The following UNC5D variants were observed in gnomAD, a reference collection of about 807,000 sequenced individuals.
The protein encoded by UNC5D is netrin receptor UNC5D.
In UNC5D, 39 loss-of-function variants were observed where a neutral mutation model predicts 105.4. The ratio of observed to expected loss-of-function variants is 0.37; its 90% CI spans 0.29 to 0.48. The LOEUF (loss-of-function observed/expected upper bound fraction) is 0.48. Ranked by LOEUF, UNC5D falls within the 20% of genes least tolerant of loss-of-function variation. The pLI is 0.98. For synonymous variants in UNC5D, 452 were observed against 450.4 expected (o/e 1.00, Z -0.04); for missense variants, 991 against 1,202.4 (o/e 0.82, Z 2.60).
At chr8:35,378,891 T>C (rs1312373414) in intron 1 of UNC5D, among the ~76,000 whole-genome samples, 1 of 152,126 alleles carries the variant, frequency 6.6e-6, no homozygotes, top group Middle Eastern at 3.2e-3. Flanking sequence ...CAAATTGCCT[T>C]CTCACTGTGT....
intron 1 of UNC5D, among the ~76,000 whole-genome samples, chr8:35,308,401 T>A (rs901082840): frequency 6.6e-6 from 1 of 152,162 alleles, no homozygotes; most frequent in Non-Finnish European, 1.5e-5. Flanking sequence ...ACCACAGTCC[T>A]GGGTTAACCA....
chr8:35,557,545 A>G (rs1167095553), intron 2 of UNC5D, among the ~76,000 whole-genome samples: 1 of 152,166 alleles, frequency 6.6e-6, no homozygotes, highest in East Asian at 1.9e-4. Flanking sequence ...TACTACTTTC[A>G]GTACTATGTT....
intron 1 of UNC5D, among the ~76,000 whole-genome samples, chr8:35,327,459 T>TA (rs752254279): frequency 2.6e-5 from 4 of 152,200 alleles, no homozygotes; most frequent in Non-Finnish European, 4.4e-5. Context: ...ATTCTCAACT[T>TA]ACGGAAAATA....
At chr8:35,755,457 A>G (rs995884484) in intron 13 of UNC5D, among the ~76,000 whole-genome samples, 2 of 148,336 alleles carry the variant, frequency 1.3e-5, no homozygotes, top group African/African-American at 2.6e-5. Context: ...GGAAAGCACC[A>G]TAGCGACATA....
chr8:35,379,682 C>T (rs138620705), intron 1 of UNC5D, among the ~76,000 whole-genome samples: 1 of 152,074 alleles, frequency 6.6e-6, no homozygotes, highest in East Asian at 1.9e-4. Context: ...AGAATATCGA[C>T]CTGAGAACCC....
chr8:35,673,232 G>C (rs143648292), intron 4 of UNC5D, among the ~76,000 whole-genome samples: 1 of 152,254 alleles, frequency 6.6e-6, no homozygotes, highest in East Asian at 1.9e-4. Context: ...TAAATAACTT[G>C]AAAGAAATAT....
intron 4 of UNC5D, among the ~76,000 whole-genome samples, chr8:35,654,555 TC>T (rs1395881450): frequency 2.0e-5 from 3 of 152,172 alleles, no homozygotes; most frequent in Non-Finnish European, 4.4e-5. Context: ...CCCAGATCAC[TC>T]CTTGAGAAGA....
intron 2 of UNC5D, among the ~76,000 whole-genome samples, chr8:35,566,611 A>G (rs868303859): frequency 7.2e-5 from 11 of 152,282 alleles, no homozygotes; most frequent in Middle Eastern, 6.8e-3. Context: ...CACACACCAG[A>G]CCCTTCATTT....
intron 1 of UNC5D, among the ~76,000 whole-genome samples, chr8:35,539,178 A>G (rs1230039190): frequency 6.6e-6 from 1 of 152,188 alleles, no homozygotes; most frequent in Non-Finnish European, 1.5e-5. Flanking sequence ...AATATTAAGT[A>G]TACATCAGAA....
At chr8:35,467,736 G>T (rs1809413568) in intron 1 of UNC5D, among the ~76,000 whole-genome samples, 3 of 152,134 alleles carry the variant, frequency 2.0e-5, no homozygotes, top group African/African-American at 7.2e-5. Flanking sequence ...AGATGTTGGG[G>T]TAGGGTGGAG....
chr8:35,438,512 GAT>G (rs1288660752), intron 1 of UNC5D, among the ~76,000 whole-genome samples: 1 of 151,884 alleles, frequency 6.6e-6, no homozygotes, highest in Non-Finnish European at 1.5e-5. Context: ...TCTAAGCAAA[GAT>G]ATGTGGGCAT....
chr8:35,247,327 A>G (rs1039484825), intron 1 of UNC5D, among the ~76,000 whole-genome samples: 5 of 148,848 alleles, frequency 3.4e-5, no homozygotes, highest in Non-Finnish European at 7.4e-5. Flanking sequence ...GATATGATGG[A>G]TGCAGTTTGG....
At chr8:35,751,448 G>C (rs2131644192) in intron 13 of UNC5D, among the ~76,000 whole-genome samples, 1 of 152,234 alleles carries the variant, frequency 6.6e-6, no homozygotes, top group East Asian at 1.9e-4. Flanking sequence ...GGCAGGAAGG[G>C]GATTTGTTTT....
At chr8:35,249,115 A>G (rs1585411479) in intron 1 of UNC5D, among the ~76,000 whole-genome samples, 1 of 130,626 alleles carries the variant, frequency 7.7e-6, no homozygotes. Context: ...TATATATATT[A>G]TATATATAAA....
chr8:35,493,821 T>C (rs1430545953), intron 1 of UNC5D, among the ~76,000 whole-genome samples: 1 of 152,168 alleles, frequency 6.6e-6, no homozygotes, highest in East Asian at 1.9e-4. Flanking sequence ...CGTATTTCCA[T>C]GAATAAGACC....
intron 1 of UNC5D, among the ~76,000 whole-genome samples, chr8:35,386,086 C>T (rs531144336): frequency 4.0e-4 from 61 of 152,226 alleles, no homozygotes; most frequent in African/African-American, 1.4e-3. Flanking sequence ...GCATTTGAAA[C>T]GCCAACATTC....
intron 1 of UNC5D, among the ~76,000 whole-genome samples, chr8:35,441,830 C>T (rs1176691148): frequency 6.6e-6 from 1 of 151,332 alleles, no homozygotes; most frequent in Admixed American, 6.6e-5. Context: ...TAGAATCCAT[C>T]GTCTGACCAT....
intron 13 of UNC5D, among the ~76,000 whole-genome samples, chr8:35,751,538 T>C (rs1830283110): frequency 6.6e-6 from 1 of 152,218 alleles, no homozygotes; most frequent in African/African-American, 2.4e-5. Context: ...GTTTGGCCTA[T>C]ACACAGGAAT....
rs1172643442 is a variant in UNC5D at position 35,544,869 on chromosome 8, CTGGGAT to C, written c.104-4421_104-4416del. On this transcript the variant is annotated intron_variant, in intron 1 of 16. Transcript: ENST00000404895. Reference sequence around the variant, plus strand: ...CTGCCCACCTCTGCCTCCCAGAGTGCTGGGATTACAGGCATGAGCCACAGCACCTGG... The same window carrying C: ...CTGCCCACCTCTGCCTCCCAGAGTGCTACAGGCATGAGCCACAGCACCTGG... 2.0e-5 allele frequency among the ~76,000 whole-genome samples: 3 copies of C among 152,262 alleles called. No homozygotes were observed. In the East Asian group the frequency reaches 5.8e-4, roughly 29 times the overall value.
Sources: allele counts gnomAD v4.1 joint callset (sites outside exome capture counted in the v4.1 genomes callset), GRCh38; gene constraint gnomAD v4.1.1; transcripts MANE v1.5; gene names NCBI Gene and HGNC (gene_info 2026-07-23, HGNC 2026-07-21).